CNGB3: variants seen among roughly 807,000 people sequenced by gnomAD.
CNGB3 encodes cyclic nucleotide gated channel subunit beta 3, also known as cyclic nucleotide-gated channel beta-3.
CNGB3 carries 86 observed loss-of-function variants against 92.8 expected under a neutral mutation model. That is an observed-to-expected ratio of 0.93 (90% CI 0.78 to 1.11). The LOEUF (loss-of-function observed/expected upper bound fraction) is 1.11, where lower values mean the gene tolerates loss of function less well. Ranked by LOEUF, CNGB3 falls within the 50% of genes least tolerant of loss-of-function variation. The pLI is 0.00. For missense variants in CNGB3, 1,026 were observed against 956.8 expected (o/e 1.07, Z -0.95); for synonymous variants, 333 against 332.7 (o/e 1.00, Z -0.01).
At chr8:86,638,596 T>C (rs538237342) in intron 10 of CNGB3, among the ~76,000 whole-genome samples, 1 of 152,146 alleles carries the variant, frequency 6.6e-6, no homozygotes, top group Non-Finnish European at 1.5e-5. Context: ...CTTATTAGAA[T>C]GTAAGTGCTA....
At chr8:86,636,572 CAAAAAAAAA>C (rs57907634) in intron 10 of CNGB3, among the ~76,000 whole-genome samples, 2 of 40,094 alleles carry the variant, frequency 5.0e-5, no homozygotes, top group East Asian at 9.5e-4. Flanking sequence ...GACCCTGTCT[CAAAAAAAAA>C]AAAAAAAAAA....
chr8:86,672,413 C>T (rs1823879242), intron 3 of CNGB3, among the ~76,000 whole-genome samples: 1 of 152,136 alleles, frequency 6.6e-6, no homozygotes, highest in South Asian at 2.1e-4. Context: ...AACTTCCTTT[C>T]TGAGAAAATA....
chr8:86,691,361 ATTTC>A (rs1438936589), intron 3 of CNGB3, among the ~76,000 whole-genome samples: 1 of 152,082 alleles, frequency 6.6e-6, no homozygotes. Flanking sequence ...GATGCCATTG[ATTTC>A]TTTCTCTCTT....
chr8:86,711,764 A>G (rs931846283), intron 3 of CNGB3, among the ~76,000 whole-genome samples: 2 of 151,912 alleles, frequency 1.3e-5, no homozygotes, highest in African/African-American at 2.4e-5. Context: ...AGCATTATTA[A>G]TGACTTTTAA....
rs749413012 is a variant in CNGB3, at chr8:86,604,202, C to A, written c.1672G>T (p.Gly558Cys). The change falls in exon 15 of 18, where the codon GGC becomes TGC. Residue 558 changes from glycine (G) to cysteine (C), a missense_variant. Gly to Cys is a radical substitution (Grantham distance 159, BLOSUM62 -3). Coordinates refer to ENST00000320005, the MANE Select transcript of CNGB3 (RefSeq NM_019098.5). The stretch of plus-strand genomic sequence containing the variant: ...TGCTTGATGATATACATTTCCTTGC[C>A]AATTTCTCCCTACATTTTAAATATA... ...GDFVCKKGEI[G>C]KEMYIIKHGE... is the part of the protein sequence containing the mutation. 60 of 1,596,052 alleles carry A rather than the reference C, an allele frequency of 3.8e-5. No homozygotes were observed. In the Admixed American group the frequency reaches 3.8e-4, roughly 10 times the overall value.
chr8:86,680,853 T>G (rs1017272871), intron 3 of CNGB3, among the ~76,000 whole-genome samples: 1 of 152,048 alleles, frequency 6.6e-6, no homozygotes, highest in African/African-American at 2.4e-5. Flanking sequence ...AGGCAATAAA[T>G]GGGGGACATT....
chr8:86,584,983 C>T (rs1821864150), intron 15 of CNGB3, among the ~76,000 whole-genome samples: 1 of 152,162 alleles, frequency 6.6e-6, no homozygotes, highest in African/African-American at 2.4e-5. Context: ...CTACCATCTA[C>T]TGTGTTTCTG....
chr8:86,676,297 C>G (rs926921308), intron 3 of CNGB3, among the ~76,000 whole-genome samples: 1 of 151,980 alleles, frequency 6.6e-6, no homozygotes, highest in Non-Finnish European at 1.5e-5. Context: ...AGGTGGTTTC[C>G]TAGTTGAATC....
intron 2 of CNGB3, among the ~76,000 whole-genome samples, chr8:86,735,013 C>A (rs192291004): frequency 9.2e-5 from 12 of 130,012 alleles, no homozygotes; most frequent in Non-Finnish European, 1.7e-4. Context: ...GATTTGAATT[C>A]GGGCATGTCA....
At chr8:86,626,141 G>A (rs1822842952) in intron 12 of CNGB3, 61 bp from the exon 13 acceptor site, 2 of 1,319,274 alleles carry the variant, frequency 1.5e-6, no homozygotes, top group East Asian at 2.3e-5. Flanking sequence ...AAGTCACCAA[G>A]GTACAAGTAG....
chr8:86,608,268 GAC>G (rs1822449864), intron 14 of CNGB3, among the ~76,000 whole-genome samples: 2 of 152,350 alleles, frequency 1.3e-5, no homozygotes, highest in Middle Eastern at 3.4e-3. Flanking sequence ...GAGCTGAGGG[GAC>G]ACAGTGAGAA....
chr8:86,660,970 C>A (rs981172158), intron 6 of CNGB3, among the ~76,000 whole-genome samples: 7 of 152,172 alleles, frequency 4.6e-5, no homozygotes, highest in Non-Finnish European at 1.0e-4. Flanking sequence ...TCCAGAAACA[C>A]AAATCCAGTA....
chr8:86,691,640 TA>T (rs1436554844), intron 3 of CNGB3, among the ~76,000 whole-genome samples: 1 of 152,178 alleles, frequency 6.6e-6, no homozygotes, highest in African/African-American at 2.4e-5. Context: ...TTAATCTTGC[TA>T]ATGCTGTATT....
chr8:86,742,403 C>G (rs968766366), intron 1 of CNGB3, among the ~76,000 whole-genome samples: 5 of 152,146 alleles, frequency 3.3e-5, no homozygotes, highest in Admixed American at 3.3e-4. Context: ...ACACAGTCCT[C>G]CTCATCTCCT....
At chr8:86,601,191 C>T (rs144481430) in intron 15 of CNGB3, among the ~76,000 whole-genome samples, 2 of 151,986 alleles carry the variant, frequency 1.3e-5, no homozygotes, top group East Asian at 3.9e-4. Flanking sequence ...AATGGCAACA[C>T]AAGAATAAAA....
chr8:86,638,044 A>G (rs1823108069), intron 10 of CNGB3, among the ~76,000 whole-genome samples: 2 of 152,070 alleles, frequency 1.3e-5, no homozygotes, highest in Non-Finnish European at 2.9e-5. Context: ...TATGTTGTGT[A>G]TTGGTAATTT....
intron 13 of CNGB3, among the ~76,000 whole-genome samples, chr8:86,622,988 TTAAC>T (rs1822770996): frequency 6.6e-6 from 1 of 152,166 alleles, no homozygotes; most frequent in Non-Finnish European, 1.5e-5. Flanking sequence ...GAGTCATGGG[TTAAC>T]CTAATGCTGG....
chr8:86,576,922 G>A (rs928769248), intron 17 of CNGB3, among the ~76,000 whole-genome samples: 1 of 152,156 alleles, frequency 6.6e-6, no homozygotes, highest in Admixed American at 6.5e-5. Context: ...TGTGGAAAAG[G>A]AAAATGCAAG....
At chr8:86,667,734 G>A (rs2131615738) in intron 5 of CNGB3, among the ~76,000 whole-genome samples, 1 of 152,330 alleles carries the variant, frequency 6.6e-6, no homozygotes, top group South Asian at 2.1e-4. Context: ...ATGTGTGAGT[G>A]TGTCAGTGCA....
Sources: gnomAD v4.1 joint callset for allele counts (sites outside exome capture counted in the v4.1 genomes callset) on GRCh38, gnomAD v4.1.1 for gene constraint, MANE v1.5 for transcripts, NCBI Gene and HGNC (gene_info 2026-07-23, HGNC 2026-07-21) for gene names.